The following KLF15 variants were observed in gnomAD, a reference collection of about 807,000 sequenced individuals.
KLF15 encodes the protein Krueppel-like factor 15.
In KLF15, 4 loss-of-function variants were observed where a neutral mutation model predicts 24.6. The observed-to-expected ratio is 0.16, with a 90% CI of 0.08 to 0.37. KLF15 has a LOEUF of 0.37. KLF15 is among the 10% of genes least tolerant of loss of function. The pLI is 1.00. For synonymous variants in KLF15, 246 were observed against 236.3 expected, an observed-to-expected ratio of 1.04 and a Z score of -0.37; for missense variants, 496 against 560.6, an observed-to-expected ratio of 0.88 and a Z score of 1.16.
At chr3:126,344,726 G>T (rs554269868) in intron 2 of KLF15, among the ~76,000 whole-genome samples, 1 of 147,920 alleles carries the variant, frequency 6.8e-6, no homozygotes, top group East Asian at 1.9e-4. Context: ...CCTCAGACTT[G>T]AGTCCACCCA....
At chr3:126,339,203 C>T (rs1054534939), downstream of KLF15, among the ~76,000 whole-genome samples, 1 of 152,136 alleles carries the variant, frequency 6.6e-6, no homozygotes, top group Admixed American at 6.5e-5. Context: ...GAATGGGAGC[C>T]GAGCCAGAGC....
the KLF15 span, among the ~76,000 whole-genome samples, chr3:126,309,297 G>T: frequency 6.6e-6 from 1 of 152,228 alleles, no homozygotes; most frequent in Non-Finnish European, 1.5e-5. Flanking sequence ...TCTGGCCGGC[G>T]AAGCCACTTC....
downstream of KLF15, among the ~76,000 whole-genome samples, chr3:126,339,791 G>A (rs941904468): frequency 2.0e-5 from 3 of 152,160 alleles, no homozygotes; most frequent in African/African-American, 4.8e-5. Flanking sequence ...CGGCTCTCAC[G>A]GCCCCACATA....
At position 126,343,582 on chromosome 3, in the gene KLF15, C is replaced by G. The variant is rs2082501486; in HGVS notation, c.*145G>C. The G allele has an allele frequency of 6.4e-6, 5 of 786,520 alleles. No homozygotes were observed. The allele number at this position is 786,520 out of a possible 1,614,324, so 48.7% of individuals were successfully genotyped here. A position where few individuals can be genotyped will look rare whatever the true frequency, so the allele number is the denominator to read the frequency against. On this transcript the variant is annotated 3_prime_UTR_variant, in exon 3 of 3. Transcript: ENST00000296233. ...CCCGAGAAAGGCAGCGGTTGGCGGGCCCTGGGTTCACACCTCCCAGGCTTC... is the reference window on the plus strand; with the variant it reads ...CCCGAGAAAGGCAGCGGTTGGCGGGGCCTGGGTTCACACCTCCCAGGCTTC...
the KLF15 span, among the ~76,000 whole-genome samples, chr3:126,315,513 T>A: frequency 1.3e-5 from 2 of 151,928 alleles, no homozygotes; most frequent in Admixed American, 1.3e-4. Context: ...TCCCAGACAT[T>A]GGGATCCTGG....
At chr3:126,307,582 T>C in the KLF15 span, among the ~76,000 whole-genome samples, 1 of 152,196 alleles carries the variant, frequency 6.6e-6, no homozygotes, top group Non-Finnish European at 1.5e-5. Context: ...CTCCTCTCAC[T>C]GCTGTGTGGG....
At chr3:126,288,218 A>G in the KLF15 span, 4 of 152,218 alleles carry the variant, frequency 2.6e-5, no homozygotes, top group African/African-American at 9.6e-5. Context: ...AATTGCTTAA[A>G]ATGAGGCTAA....
chr3:126,327,804 G>A, the KLF15 span, among the ~76,000 whole-genome samples: 4 of 152,108 alleles, frequency 2.6e-5, no homozygotes, highest in Non-Finnish European at 5.9e-5. Flanking sequence ...TTATCTACTC[G>A]ATTCTTCATT....
At chr3:126,300,311 A>G in the KLF15 span, among the ~76,000 whole-genome samples, 3 of 152,084 alleles carry the variant, frequency 2.0e-5, no homozygotes, top group Non-Finnish European at 2.9e-5. Context: ...TCCTGTGCCT[A>G]TAACAACTGG....
At chr3:126,311,641 G>A in the KLF15 span, among the ~76,000 whole-genome samples, 4 of 152,198 alleles carry the variant, frequency 2.6e-5, no homozygotes, top group Non-Finnish European at 5.9e-5. Flanking sequence ...CATCTCCTCT[G>A]GCACTTTCCT....
chr3:126,293,446 C>T, the KLF15 span, among the ~76,000 whole-genome samples: 9 of 152,136 alleles, frequency 5.9e-5, no homozygotes, highest in Admixed American at 6.5e-5. Flanking sequence ...GGAGCCTCCT[C>T]GGGGTCTGGG....
rs759607000 is a variant in KLF15 at position 126,352,808 on chromosome 3, C to T, written c.115G>A (p.Val39Ile). Residue 39 changes from valine to isoleucine, a missense_variant, in exon 2 of 3, where the codon GTC (valine) becomes ATC (isoleucine). Coordinates refer to ENST00000296233, the MANE Select transcript of KLF15 (RefSeq NM_014079.4). ...GAGGCATCGCTGTCATCTTCAGAGA[C>T]GGGTGAGGGCAGCATGTGATATGCC... ...RRAYHMLPSP[V>I]SEDDSDASSP... 2.8e-5 allele frequency: 44 copies of T among 1,597,812 alleles called. No individual in the cohort carries two copies. Among genetic ancestry groups the T allele is most frequent in the South Asian group, 1.1e-4 (10 of 88,830 alleles).
downstream of KLF15, among the ~76,000 whole-genome samples, chr3:126,341,437 G>A (rs2082478925): frequency 6.6e-6 from 1 of 152,158 alleles, no homozygotes; most frequent in South Asian, 2.1e-4. Flanking sequence ...TCTTATCTAG[G>A]GCTGAACTGC....
At chr3:126,292,469 A>G in the KLF15 span, among the ~76,000 whole-genome samples, 6 of 152,248 alleles carry the variant, frequency 3.9e-5, no homozygotes, top group African/African-American at 1.2e-4. Context: ...CTAAGTAATT[A>G]ACTTAAGGAG....
At chr3:126,295,094 G>C in the KLF15 span, among the ~76,000 whole-genome samples, 1 of 152,062 alleles carries the variant, frequency 6.6e-6, no homozygotes, top group Admixed American at 6.5e-5. Context: ...AGATGCACAT[G>C]AGCATGCACA....
chr3:126,290,502 TCCTA>T, the KLF15 span, among the ~76,000 whole-genome samples: 30 of 140,622 alleles, frequency 2.1e-4, no homozygotes, highest in African/African-American at 6.7e-4. Context: ...CTTTCTTCCT[TCCTA>T]CCTTCCTTCC....
chr3:126,348,111 G>A (rs1443698989), intron 2 of KLF15, among the ~76,000 whole-genome samples: 1 of 152,200 alleles, frequency 6.6e-6, no homozygotes, highest in Non-Finnish European at 1.5e-5. Flanking sequence ...CCCAACACCG[G>A]GGTGCAGAGG....
chr3:126,318,039 C>T, the KLF15 span, among the ~76,000 whole-genome samples: 1 of 152,156 alleles, frequency 6.6e-6, no homozygotes, highest in African/African-American at 2.4e-5. Flanking sequence ...GTGTTCTACA[C>T]GACACCAACC....
intron 1 of KLF15, chr3:126,353,900 CA>C (rs2082609323): frequency 6.6e-6 from 1 of 152,364 alleles, no homozygotes; most frequent in African/African-American, 2.4e-5. Context: ...CCTTGGACTT[CA>C]CACCCATCTA....
Sources: gnomAD v4.1 joint callset for allele counts (sites outside exome capture counted in the v4.1 genomes callset) on GRCh38, gnomAD v4.1.1 for gene constraint, MANE v1.5 for transcripts, NCBI Gene and HGNC (gene_info 2026-07-23, HGNC 2026-07-21) for gene names.